Variants in ARSD observed in about 807,000 individuals in gnomAD.
ARSD encodes testis tissue sperm-binding protein Li 39a.
Under a neutral mutation model 32.6 loss-of-function variants are expected in ARSD, and 21 were observed. The ratio of observed to expected loss-of-function variants is 0.64; its 90% CI spans 0.46 to 0.93. The LOEUF is 0.93. ARSD is among the 40% of genes least tolerant of loss of function. The probability of loss-of-function intolerance (pLI) is 0.00; values close to 1 mark genes in which losing one functional copy is unlikely to be tolerated. For synonymous variants in ARSD, 224 were observed against 237.4 expected, an observed-to-expected ratio of 0.94 and a Z score of 0.52; for missense variants, 454 against 520.9, an observed-to-expected ratio of 0.87 and a Z score of 1.25.
At chrX:2,914,235 CTT>C (rs199564452) in intron 6 of ARSD, 24 of 593,011 alleles carry the variant, frequency 4.0e-5, no homozygotes, top group South Asian at 8.4e-5. Flanking sequence ...TCTTTTATTT[CTT>C]TTTTTTTTTG....
intron 7 of ARSD, 46 bp from the exon 8 acceptor site, chrX:2,910,025 T>G: frequency 1.7e-6 from 2 of 1,201,377 alleles, no homozygotes; most frequent in Non-Finnish European, 2.3e-6. Flanking sequence ...AACTGCCCAG[T>G]CTGTACACAC....
chrX:2,923,637 G>A (rs1385766514), intron 2 of ARSD, among the ~76,000 whole-genome samples: 1 of 111,472 alleles, frequency 9.0e-6, no homozygotes, highest in Non-Finnish European at 1.9e-5. Context: ...TCATTGCTCT[G>A]TGTGTGTCTG....
In ARSD at chrX:2,907,460, G is replaced by A. The variant is rs147305547; in HGVS notation, c.1593C>T (p.Pro531=). The change falls in exon 10 of 10, where the codon CCC becomes CCT. Residue 531 remains proline, a synonymous_variant. Coordinates refer to ENST00000381154, the MANE Select transcript of ARSD (RefSeq NM_001669.4). ...CGGCGTGGTACAGGGGCTCGGAGTC[G>A]GGGGTCAGGGGCCGTGCCTCGGAGG... The part of the protein sequence containing the change: ...RDPSEARPLT[P]DSEPLYHAVI... The A allele has an allele frequency of 1.2e-4, 140 of 1,208,422 alleles. No homozygotes were observed. The highest frequency in any genetic ancestry group is 1.5e-4 in the Non-Finnish European group (136 of 894,261).
chrX:2,915,053 T>G (rs902286517), intron 6 of ARSD, among the ~76,000 whole-genome samples: 12 of 111,869 alleles, frequency 1.1e-4, no homozygotes, highest in Non-Finnish European at 1.7e-4. Flanking sequence ...CATTTATTTT[T>G]GTAGAGATGG....
chrX:2,929,021 GC>G (rs1294400852), intron 1 of ARSD, among the ~76,000 whole-genome samples: 1 of 110,581 alleles, frequency 9.0e-6, no homozygotes, highest in Non-Finnish European at 1.9e-5. Context: ...CCCCTCAGTC[GC>G]CCCCCATCCC....
chrX:2,922,680 A>G lies in ARSD; in HGVS notation c.195-656T>C, dbSNP rs113172952. 2.6e-3 allele frequency among the ~76,000 whole-genome samples: 278 copies of G among 107,802 alleles called. 1 individual carries two copies. Among genetic ancestry groups the G allele is most frequent in the African/African-American group, 9.0e-3 (267 of 29,598 alleles). 93.6% of individuals were successfully genotyped at this position (107,802 alleles called of 115,157 possible). A position where few individuals can be genotyped will look rare whatever the true frequency, so the allele number is the denominator to read the frequency against. ...TAAAACCCCGTCTCTACTAAAAAAA[A>G]TACAAAAATTAGTCAGGCAAGGTGG... On this transcript the variant is annotated intron_variant, in intron 2 of 9. Transcript: ENST00000381154.
chrX:2,909,864 C>T lies in ARSD; in HGVS notation c.1251G>A (p.Val417=), dbSNP rs2088887513. ...CCACCAGCTGGACCACAGTAGGGAA[C>T]ACGTCCATCAGGCTCGTGGGCTCTC... The part of the protein sequence containing the change: ...VIGEPTSLMD[V]FPTVVQLVGG... The change falls in exon 8 of 10, where the codon GTG becomes GTA. Residue 417 remains valine, a synonymous_variant. Coordinates refer to ENST00000381154, the MANE Select transcript of ARSD (RefSeq NM_001669.4). 1.6e-5 allele frequency: 19 copies of T among 1,210,776 alleles called. No homozygotes were observed. Among genetic ancestry groups the T allele is most frequent in the Non-Finnish European group, 2.1e-5 (19 of 895,244 alleles).
chrX:2,913,847 G>T (rs1344809072), intron 6 of ARSD: 1 of 577,089 alleles, frequency 1.7e-6, no homozygotes, highest in Non-Finnish European at 2.3e-6. Context: ...GAGTTCTCAT[G>T]AATGGTTGAG....
In ARSD at chrX:2,906,349, C is replaced by T. The variant is rs2088852044; in HGVS notation, c.*922G>A. The T allele has an allele frequency of 2.7e-5, 3 of 110,657 alleles. No individual in the cohort carries two copies. In the Admixed American group the frequency reaches 2.9e-4, roughly 11 times the overall value. 9.1% of individuals were successfully genotyped at this position (110,657 alleles called of 1,213,427 possible). A position where few individuals can be genotyped will look rare whatever the true frequency, so the allele number is the denominator to read the frequency against. ...ATGAGGTCTCACTGTGTTGCTCAGG[C>T]TGGGTAGGTGTCTAACTCCTAGGCT... is the stretch of plus-strand genomic sequence containing the variant. On this transcript the variant is annotated 3_prime_UTR_variant, in exon 10 of 10. Coordinates refer to ENST00000381154, the MANE Select transcript of ARSD (RefSeq NM_001669.4).
chrX:2,913,810 G>C (rs755760028), intron 6 of ARSD: 218 of 790,536 alleles, frequency 2.8e-4, no homozygotes, highest in Middle Eastern at 1.1e-3. Flanking sequence ...GTGGGGCCTG[G>C]GGGGAGGTGA....
intron 6 of ARSD, chrX:2,913,403 G>A: frequency 2.0e-6 from 1 of 501,230 alleles, no homozygotes; most frequent in Non-Finnish European, 2.4e-6. Flanking sequence ...TCCCGTTATG[G>A]CATGAACCAG....
chrX:2,907,314 A>G lies in ARSD; in HGVS notation c.1739T>C (p.Phe580Ser). ...ATCCTCGTGGCATGAACAGAACGGG[A>G]AATGTCCGCAGCACGGCTGCAGCCA... Reference protein sequence around the residue: ...KPWLQPCCGHFPFCSCHEDGD... With the variant: ...KPWLQPCCGHSPFCSCHEDGD... Residue 580 changes from phenylalanine to serine, a missense_variant, in exon 10 of 10, where the codon TTC (phenylalanine) becomes TCC (serine). Phe to Ser is a radical substitution (Grantham distance 155). Transcript: ENST00000381154. 8.3e-7 allele frequency: 1 copy of G among 1,211,772 alleles called. No homozygotes were observed. Among genetic ancestry groups the G allele is most frequent in the Non-Finnish European group, 1.1e-6 (1 of 895,408 alleles).
At chrX:2,913,512 C>G in intron 6 of ARSD, 1 of 962,651 alleles carries the variant, frequency 1.0e-6, no homozygotes, top group Non-Finnish European at 1.3e-6. Context: ...CACTGTGAAC[C>G]AATCCCGCCC....
chrX:2,929,209 C>T (rs1219750445), intron 1 of ARSD, 23 bp downstream of exon 1: 26 of 1,038,763 alleles, frequency 2.5e-5, no homozygotes, highest in Admixed American at 1.9e-4. Context: ...TTAGTATGGG[C>T]CGCGTCCCGG....
chrX:2,916,419 G>A (rs1413280194), intron 5 of ARSD, among the ~76,000 whole-genome samples: 1 of 110,363 alleles, frequency 9.1e-6, no homozygotes, highest in East Asian at 2.8e-4. Flanking sequence ...AATTGCCTGA[G>A]CCTTGGAGAC....
Position 2,918,081 on chromosome X carries a change from G to A in ARSD, c.586C>T (p.Leu196=). 2.5e-6 allele frequency: 3 copies of A among 1,200,915 alleles called. No individual in the cohort carries two copies. Among genetic ancestry groups the A allele is most frequent in the South Asian group, 3.6e-5 (2 of 55,497 alleles). The change falls in exon 5 of 10, where the codon CTG becomes TTG. Residue 196 remains leucine, a synonymous_variant. Coordinates refer to ENST00000381154, the MANE Select transcript of ARSD (RefSeq NM_001669.4). ...GTGTAACCCCAGAGCTGCGCCCTCA[G>A]GGCGGCGTCCACTTCGGGGGGCCTG... is the stretch of plus-strand genomic sequence containing the variant. ...PGRPPEVDAA[L]RAQLWGYTQF...
At chrX:2,912,096 C>T (rs1386670794) in intron 6 of ARSD, among the ~76,000 whole-genome samples, 2 of 111,034 alleles carry the variant, frequency 1.8e-5, no homozygotes, top group African/African-American at 6.6e-5. Context: ...GTCAAGATCA[C>T]ACCATGCACT....
intron 9 of ARSD, chrX:2,907,942 T>C: frequency 1.2e-6 from 1 of 869,290 alleles, no homozygotes; most frequent in Non-Finnish European, 1.4e-6. Flanking sequence ...ATTCTTCCCC[T>C]TTCCCCTGTG....
At position 2,922,007 on chromosome X, in the gene ARSD, T is replaced by C. The variant is rs1569091486; in HGVS notation, c.212A>G (p.Gln71Arg). ...GAGCCTCACACCTTCCTCTGCAAGC[T>C]GGTCAATATTCGGCGTTCTGAGCAA... The part of the protein sequence containing the change: ...NNTLRTPNID[Q>R]LAEEGVRLTQ... Residue 71 changes from glutamine to arginine, a missense_variant, in exon 3 of 10, where the codon CAG becomes CGG. This residue lies in a region of ARSD where 271 missense variants were observed against 301.0 expected (regional missense o/e 0.90). Coordinates refer to ENST00000381154, the MANE Select transcript of ARSD (RefSeq NM_001669.4). 3 of 1,206,121 alleles carry C rather than the reference T, an allele frequency of 2.5e-6. No homozygotes were observed. The highest frequency in any genetic ancestry group is 3.4e-6 in the Non-Finnish European group (3 of 893,159).
Sources: allele counts gnomAD v4.1 joint callset (sites outside exome capture counted in the v4.1 genomes callset), GRCh38; gene constraint gnomAD v4.1.1; regional missense constraint gnomAD v4.1.1; transcripts MANE v1.5; gene names NCBI Gene and HGNC (gene_info 2026-07-23, HGNC 2026-07-21).